The following TMEM178B variants were observed in gnomAD, a reference collection of about 807,000 sequenced individuals.
The protein encoded by TMEM178B is transmembrane protein 178B.
A neutral mutation model predicts 31.0 loss-of-function variants in TMEM178B; 5 were observed. The ratio of observed to expected loss-of-function variants is 0.16; its 90% CI spans 0.08 to 0.34. The LOEUF is 0.34. Among genes scored for constraint, TMEM178B ranks in the 10% least tolerant of loss-of-function variants. The pLI, the probability that TMEM178B is intolerant of heterozygous loss-of-function variation, is 1.00. For missense variants in TMEM178B, 275 were observed against 400.3 expected (o/e 0.69, Z 2.67); for synonymous variants, 164 against 164.0 (o/e 1.00, Z 0.00).
chr7:141,083,368 C>A (rs1262644438), intron 1 of TMEM178B, among the ~76,000 whole-genome samples: 1 of 150,896 alleles, frequency 6.6e-6, no homozygotes, highest in Non-Finnish European at 1.5e-5. Context: ...CATACTTTTA[C>A]ATTTGATGAG....
At chr7:141,483,080 G>T (rs1421216943), downstream of TMEM178B, among the ~76,000 whole-genome samples, 3 of 152,106 alleles carry the variant, frequency 2.0e-5, no homozygotes, top group Non-Finnish European at 4.4e-5. Context: ...CATGACCCAA[G>T]GTACAGCAGG....
chr7:141,168,115 G>A (rs776113791), intron 1 of TMEM178B, among the ~76,000 whole-genome samples: 19 of 152,192 alleles, frequency 1.2e-4, no homozygotes, highest in Non-Finnish European at 2.5e-4. Context: ...CAGAGACCGG[G>A]AATCTGAGTC....
intron 2 of TMEM178B, among the ~76,000 whole-genome samples, chr7:141,414,014 A>T (rs1257502014): frequency 1.3e-5 from 2 of 152,160 alleles, no homozygotes; most frequent in African/African-American, 4.8e-5. Context: ...CCAGGAGCAG[A>T]TAAAACATAC....
intron 3 of TMEM178B, among the ~76,000 whole-genome samples, chr7:141,440,918 A>C (rs1253126530): frequency 6.6e-6 from 1 of 152,238 alleles, no homozygotes; most frequent in Non-Finnish European, 1.5e-5. Flanking sequence ...GGATGTCCAC[A>C]TACCTTGTGA....
intron 2 of TMEM178B, among the ~76,000 whole-genome samples, chr7:141,401,253 C>A (rs1006925796): frequency 3.9e-5 from 6 of 152,162 alleles, no homozygotes; most frequent in African/African-American, 1.4e-4. Context: ...AAAACTGATT[C>A]TAAGACCATT....
chr7:141,180,290 C>T (rs2129183821), intron 1 of TMEM178B, among the ~76,000 whole-genome samples: 1 of 151,942 alleles, frequency 6.6e-6, no homozygotes, highest in East Asian at 1.9e-4. Flanking sequence ...GCCTGGTCAA[C>T]ATGATGAAAA....
chr7:141,142,793 T>C (rs1795795676), intron 1 of TMEM178B, among the ~76,000 whole-genome samples: 2 of 152,238 alleles, frequency 1.3e-5, no homozygotes, highest in Non-Finnish European at 2.9e-5. Flanking sequence ...TTGAGAAATC[T>C]CCGAATTGCT....
intron 1 of TMEM178B, among the ~76,000 whole-genome samples, chr7:141,176,518 G>T (rs1042537080): frequency 6.6e-5 from 10 of 152,156 alleles, no homozygotes; most frequent in Admixed American, 2.6e-4. Flanking sequence ...ATTTGGAATA[G>T]TTTCAGAAGG....
chr7:141,440,995 G>A (rs1447215112), intron 3 of TMEM178B, among the ~76,000 whole-genome samples: 7 of 152,188 alleles, frequency 4.6e-5, no homozygotes, highest in Non-Finnish European at 1.0e-4. Context: ...CTCGAAGTGT[G>A]GTCTTTCTTG....
At chr7:141,434,125 G>C (rs1189533507) in intron 2 of TMEM178B, among the ~76,000 whole-genome samples, 1 of 152,190 alleles carries the variant, frequency 6.6e-6, no homozygotes, top group Non-Finnish European at 1.5e-5. Flanking sequence ...AAAACACTTT[G>C]TTCTCATTCT....
In TMEM178B at chr7:141,479,044, C is replaced by G. The variant is rs1802425018; in HGVS notation, c.*8258C>G. The G allele has an allele frequency of 6.6e-6, 1 of 152,258 alleles. No homozygotes were observed. Among genetic ancestry groups the G allele is most frequent in the Non-Finnish European group, 1.5e-5 (1 of 68,074 alleles). 9.4% of individuals were successfully genotyped at this position (152,258 alleles called of 1,614,324 possible). ...GTGGACTGCATGTCCCATCTGCCCC[C>G]AGAGGGTGTCGGCGCTGCCCCAGTC... is the stretch of plus-strand genomic sequence containing the variant. On this transcript the variant is annotated 3_prime_UTR_variant, in exon 4 of 4. Transcript: ENST00000565468.
intron 2 of TMEM178B, among the ~76,000 whole-genome samples, chr7:141,359,674 C>A (rs1178273839): frequency 1.3e-5 from 2 of 152,146 alleles, no homozygotes; most frequent in Admixed American, 6.5e-5. Flanking sequence ...GAATTGGGGG[C>A]TGTTTTTATG....
intron 2 of TMEM178B, among the ~76,000 whole-genome samples, chr7:141,265,657 G>A (rs1798084344): frequency 6.6e-6 from 1 of 152,174 alleles, no homozygotes; most frequent in Non-Finnish European, 1.5e-5. Context: ...GCAGTTAGGT[G>A]GGGCACGTCT....
intron 3 of TMEM178B, among the ~76,000 whole-genome samples, chr7:141,443,055 C>T (rs1268532403): frequency 3.9e-5 from 6 of 152,160 alleles, no homozygotes; most frequent in African/African-American, 1.4e-4. Context: ...TATTCAAGGC[C>T]AGCAAGAGAG....
At chr7:141,460,965 G>A (rs1213473623) in intron 3 of TMEM178B, among the ~76,000 whole-genome samples, 3 of 152,210 alleles carry the variant, frequency 2.0e-5, no homozygotes, top group Non-Finnish European at 4.4e-5. Flanking sequence ...ATGCAATCGT[G>A]TATAATTCAG....
intron 2 of TMEM178B, among the ~76,000 whole-genome samples, chr7:141,428,387 A>G (rs13310787): frequency 0.21 from 30,920 of 143,872 alleles, 4,240 homozygotes; most frequent in African/African-American, 0.32. Context: ...AAAAAAAAGA[A>G]AAAAAGAAAA....
intron 2 of TMEM178B, among the ~76,000 whole-genome samples, chr7:141,372,370 C>T (rs192524999): frequency 1.6e-4 from 25 of 152,274 alleles, no homozygotes; most frequent in African/African-American, 5.3e-4. Flanking sequence ...AGGCCAGGTG[C>T]GCTCTTGCTC....
chr7:141,419,026 G>A (rs1233177776), intron 2 of TMEM178B, among the ~76,000 whole-genome samples: 1 of 152,108 alleles, frequency 6.6e-6, no homozygotes, highest in Admixed American at 6.6e-5. Context: ...TCCTGCCTCA[G>A]CCTACCGAAT....
chr7:141,317,550 A>C (rs1037781864), intron 2 of TMEM178B, among the ~76,000 whole-genome samples: 1 of 152,190 alleles, frequency 6.6e-6, no homozygotes, highest in African/African-American at 2.4e-5. Context: ...TCCAGGAGAC[A>C]CTAGGAGGAC....
Sources: allele counts gnomAD v4.1 joint callset (sites outside exome capture counted in the v4.1 genomes callset), GRCh38; gene constraint gnomAD v4.1.1; transcripts MANE v1.5; gene names NCBI Gene and HGNC (gene_info 2026-07-23, HGNC 2026-07-21).